Variants in RTL4 observed in about 807,000 individuals in gnomAD.
The protein encoded by RTL4 is retrotransposon Gag like 4.
A neutral mutation model predicts 5.3 loss-of-function variants in RTL4; 4 were observed. The observed-to-expected ratio is 0.75, with a 90% confidence interval of 0.37 to 1.72. The LOEUF (loss-of-function observed/expected upper bound fraction) is 1.72, where lower values mean the gene tolerates loss of function less well. RTL4 is among the 40% of genes most tolerant of loss of function. The pLI, the probability that RTL4 is intolerant of heterozygous loss-of-function variation, is 0.04. For synonymous variants in RTL4, 98 were observed against 87.3 expected, an observed-to-expected ratio of 1.12 and a Z score of -0.68; for missense variants, 260 against 227.1, an observed-to-expected ratio of 1.14 and a Z score of -0.93.
At chrX:112,230,984 C>T in the RTL4 span, among the ~76,000 whole-genome samples, 156 of 110,516 alleles carry the variant, frequency 1.4e-3, 3 homozygotes, top group East Asian at 0.03. Context: ...TGCTCATCAT[C>T]ACTGGCCATC....
chrX:112,352,412 G>A, the RTL4 span, among the ~76,000 whole-genome samples: 3 of 111,233 alleles, frequency 2.7e-5, no homozygotes, highest in Non-Finnish European at 3.8e-5. Context: ...GAGGCATCAC[G>A]CTACCTGACT....
At chrX:112,338,022 C>A in the RTL4 span, among the ~76,000 whole-genome samples, 2 of 111,880 alleles carry the variant, frequency 1.8e-5, no homozygotes, top group African/African-American at 6.5e-5. Flanking sequence ...AGTGACTTGG[C>A]AATCTTATGC....
the RTL4 span, among the ~76,000 whole-genome samples, chrX:112,315,519 CTTGT>C: frequency 8.9e-6 from 1 of 111,754 alleles, no homozygotes; most frequent in African/African-American, 3.3e-5. Flanking sequence ...CATTCTACCT[CTTGT>C]TTATTTCATT....
chrX:112,154,310 T>C, the RTL4 span, among the ~76,000 whole-genome samples: 1,294 of 112,077 alleles, frequency 0.012, 17 homozygotes, highest in African/African-American at 0.04. Context: ...ATTTAAATTT[T>C]TTTGTCTAAT....
the RTL4 span, among the ~76,000 whole-genome samples, chrX:112,401,791 C>G: frequency 1.2e-4 from 13 of 112,205 alleles, no homozygotes; most frequent in Middle Eastern, 0.014. Flanking sequence ...TTGGATGTTA[C>G]TGCCAGATAT....
At chrX:112,302,017 T>C in the RTL4 span, among the ~76,000 whole-genome samples, 5 of 108,876 alleles carry the variant, frequency 4.6e-5, no homozygotes, top group Non-Finnish European at 7.6e-5. Context: ...TCCCAGAAGT[T>C]TGGGAGGCCA....
chrX:112,099,252 G>T, the RTL4 span, among the ~76,000 whole-genome samples: 2 of 111,949 alleles, frequency 1.8e-5, no homozygotes, highest in Non-Finnish European at 3.8e-5. Flanking sequence ...GTTTTGAGTA[G>T]CTCATGGCCT....
the RTL4 span, among the ~76,000 whole-genome samples, chrX:112,207,992 G>T: frequency 9.0e-6 from 1 of 111,506 alleles, no homozygotes; most frequent in Admixed American, 9.6e-5. Context: ...CATGGCCTGA[G>T]AACATGTCCC....
the RTL4 span, among the ~76,000 whole-genome samples, chrX:112,101,534 A>G: frequency 9.0e-6 from 1 of 111,697 alleles, no homozygotes; most frequent in Non-Finnish European, 1.9e-5. Flanking sequence ...AGAAACCCAG[A>G]AAAACTGATG....
chrX:112,414,352 G>A, the RTL4 span, among the ~76,000 whole-genome samples: 1 of 111,456 alleles, frequency 9.0e-6, no homozygotes, highest in Non-Finnish European at 1.9e-5. Context: ...ACTTTGCGTA[G>A]TCTTTTCCTT....
the RTL4 span, among the ~76,000 whole-genome samples, chrX:112,344,610 C>T: frequency 8.9e-6 from 1 of 111,852 alleles, no homozygotes; most frequent in Admixed American, 9.5e-5. Context: ...TCAGCTCCCA[C>T]CAGGCCCTTC....
the RTL4 span, among the ~76,000 whole-genome samples, chrX:112,229,865 C>G: frequency 8.9e-6 from 1 of 111,869 alleles, no homozygotes; most frequent in African/African-American, 3.3e-5. Flanking sequence ...ACCGCAAATG[C>G]TGCTGCCTGA....
At chrX:112,330,762 C>G in the RTL4 span, among the ~76,000 whole-genome samples, 5 of 111,169 alleles carry the variant, frequency 4.5e-5, no homozygotes, top group Non-Finnish European at 7.6e-5. Flanking sequence ...AACTATACTA[C>G]AAGGCTACAG....
the RTL4 span, among the ~76,000 whole-genome samples, chrX:112,435,243 C>G: frequency 1.8e-5 from 2 of 111,490 alleles, no homozygotes; most frequent in African/African-American, 3.3e-5. Context: ...CACCCCACCA[C>G]CAACCAACAC....
the RTL4 span, among the ~76,000 whole-genome samples, chrX:112,150,584 A>G: frequency 1.0e-3 from 117 of 112,067 alleles, no homozygotes; most frequent in African/African-American, 3.6e-3. Flanking sequence ...TAAGATTATG[A>G]TTTTTAAAAT....
the RTL4 span, among the ~76,000 whole-genome samples, chrX:112,249,921 C>T: frequency 9.1e-6 from 1 of 110,197 alleles, no homozygotes; most frequent in Admixed American, 9.7e-5. Context: ...AAAAAATATT[C>T]AGAGTCAACT....
At chrX:112,455,374 G>A in exon 1 of RTL4, 1 of 1,211,613 alleles carries the variant, frequency 8.3e-7, no homozygotes. Context: ...CATTCAGTTG[G>A]ACAAGAAACA....
At chrX:112,420,744 A>C in the RTL4 span, among the ~76,000 whole-genome samples, 3 of 111,684 alleles carry the variant, frequency 2.7e-5, no homozygotes, top group African/African-American at 9.7e-5. Flanking sequence ...GCCCTTCCCA[A>C]TTCAACCCAA....
chrX:112,380,256 C>A, the RTL4 span, among the ~76,000 whole-genome samples: 3 of 109,881 alleles, frequency 2.7e-5, no homozygotes, highest in Admixed American at 9.7e-5. Context: ...ACGCCATTCT[C>A]CCGCCTCAGC....
Sources: gnomAD v4.1 joint callset for allele counts (sites outside exome capture counted in the v4.1 genomes callset) on GRCh38, gnomAD v4.1.1 for gene constraint, MANE v1.5 for transcripts, NCBI Gene and HGNC (gene_info 2026-07-23, HGNC 2026-07-21) for gene names.